Variants in SFMBT2 observed in about 807,000 individuals in gnomAD.
SFMBT2 encodes the protein scm-like with four MBT domains protein 2.
A neutral mutation model predicts 110.1 loss-of-function variants in SFMBT2; 38 were observed. The ratio of observed to expected loss-of-function variants is 0.35; its 90% CI spans 0.27 to 0.45. SFMBT2 has a LOEUF of 0.45. Among genes scored for constraint, SFMBT2 ranks in the 20% least tolerant of loss-of-function variants. SFMBT2 has a pLI of 1.00. For missense variants in SFMBT2, 1,011 were observed against 1,094.9 expected, an observed-to-expected ratio of 0.92 and a Z score of 1.08; for synonymous variants, 425 against 425.4, an observed-to-expected ratio of 1.00 and a Z score of 0.01.
chr10:7,324,756 C>T (rs547386547), intron 4 of SFMBT2, among the ~76,000 whole-genome samples: 12 of 152,310 alleles, frequency 7.9e-5, no homozygotes, highest in Middle Eastern at 3.4e-3. Flanking sequence ...CAGTTTCACT[C>T]GGAGGCCTCT....
At chr10:7,398,483 C>T (rs1845985916) in intron 1 of SFMBT2, among the ~76,000 whole-genome samples, 1 of 152,238 alleles carries the variant, frequency 6.6e-6, no homozygotes, top group Non-Finnish European at 1.5e-5. Flanking sequence ...TACAACACAA[C>T]AGGTCTTTGC....
chr10:7,309,490 G>A (rs1195812536), intron 4 of SFMBT2, among the ~76,000 whole-genome samples: 1 of 152,208 alleles, frequency 6.6e-6, no homozygotes, highest in East Asian at 1.9e-4. Context: ...GACGAGGCCT[G>A]ACAAAGATGG....
chr10:7,188,826 G>T, intron 15 of SFMBT2, 93 bp from the exon 16 acceptor site: 2 of 1,025,340 alleles, frequency 2.0e-6, no homozygotes, highest in Non-Finnish European at 2.9e-6. Context: ...TGACATTTAG[G>T]AACAGCTCGC....
Position 7,346,385 on chromosome 10 carries a change from G to A in SFMBT2, c.436+21264C>T, listed in dbSNP as rs116280238. ...AGATTGAAACAGAGGACATGAAACA[G>A]AGGATGTGAGCAAGACACGGGTAAT... is the stretch of plus-strand genomic sequence containing the variant. On this transcript the variant is annotated intron_variant, in intron 4 of 20. Coordinates refer to ENST00000397167, the MANE Select transcript of SFMBT2 (RefSeq NM_001387889.1). 5.0e-3 allele frequency among the ~76,000 whole-genome samples: 766 copies of A among 152,274 alleles called. 4 individuals carry two copies. Among genetic ancestry groups the A allele is most frequent in the African/African-American group, 0.018 (732 of 41,546 alleles).
intron 17 of SFMBT2, among the ~76,000 whole-genome samples, chr10:7,174,024 C>T (rs1471304076): frequency 6.6e-6 from 1 of 152,222 alleles, no homozygotes; most frequent in Non-Finnish European, 1.5e-5. Flanking sequence ...CACCTCCTCC[C>T]CTGCGTTTGA....
At chr10:7,291,516 C>T (rs1205938751) in intron 4 of SFMBT2, among the ~76,000 whole-genome samples, 2 of 152,098 alleles carry the variant, frequency 1.3e-5, no homozygotes. Flanking sequence ...TCCCCTATTC[C>T]CCGGGTCCTC....
At chr10:7,178,676 A>G (rs1838148603) in intron 16 of SFMBT2, among the ~76,000 whole-genome samples, 1 of 152,228 alleles carries the variant, frequency 6.6e-6, no homozygotes, top group African/African-American at 2.4e-5. Context: ...CTGCCCCAAG[A>G]AAAACCGCAG....
intron 16 of SFMBT2, among the ~76,000 whole-genome samples, chr10:7,185,251 C>T (rs1838362278): frequency 6.6e-6 from 1 of 152,178 alleles, no homozygotes; most frequent in South Asian, 2.1e-4. Context: ...CATGGCTTTG[C>T]TTAACGCGAA....
In SFMBT2 at chr10:7,293,055, T is replaced by C. The variant is rs1180813056; in HGVS notation, c.437-7101A>G. 6.6e-6 allele frequency among the ~76,000 whole-genome samples: 1 copy of C among 152,100 alleles called. No homozygotes were observed. The highest frequency in any genetic ancestry group is 2.1e-4 in the South Asian group (1 of 4,826). ...GTTGGAAGCAAATGACACAGCCCTA[T>C]CACAGTGATGACATTAGGGTGAAAG... On this transcript the variant is annotated intron_variant, in intron 4 of 20. Transcript: ENST00000397167. This position sits in a 1 kb window ranked among gnomAD's most constrained non-coding sequence, Gnocchi z 4.6.
At chr10:7,199,055 T>C (rs141907982) in intron 14 of SFMBT2, among the ~76,000 whole-genome samples, 4 of 152,318 alleles carry the variant, frequency 2.6e-5, no homozygotes, top group African/African-American at 9.6e-5. Flanking sequence ...CTCAGCTCAC[T>C]GCAACCTCCA....
At chr10:7,323,384 G>A (rs1191856937) in intron 4 of SFMBT2, among the ~76,000 whole-genome samples, 1 of 146,960 alleles carries the variant, frequency 6.8e-6, no homozygotes, top group Non-Finnish European at 1.5e-5. Context: ...CCAGGAGGCG[G>A]AGGTTGCAGT....
intron 9 of SFMBT2, chr10:7,228,203 G>A (rs1034920164): frequency 4.9e-6 from 1 of 204,912 alleles, no homozygotes; most frequent in South Asian, 1.7e-4. Flanking sequence ...CCGGTGGGGG[G>A]ATTTGCCATA....
chr10:7,315,895 C>T (rs1488859844), intron 4 of SFMBT2, among the ~76,000 whole-genome samples: 1 of 152,208 alleles, frequency 6.6e-6, no homozygotes, highest in African/African-American at 2.4e-5. Flanking sequence ...GAGACATAGT[C>T]AGCCCTCTTA....
rs377287382 is a variant in SFMBT2 at position 7,309,195 on chromosome 10, G to A, written c.437-23241C>T. On this transcript the variant is annotated intron_variant, in intron 4 of 20. Coordinates refer to ENST00000397167, the MANE Select transcript of SFMBT2 (RefSeq NM_001387889.1). ...GTTGAAGAACTGCATAGAACAAAGG[G>A]CTAACCTTATTCCTGCAAGGAAGGG... is the stretch of plus-strand genomic sequence containing the variant. Among the ~76,000 whole-genome samples the A allele has an allele frequency of 2.2e-4, 34 of 152,324 alleles. No homozygotes were observed. In the South Asian group the frequency reaches 6.6e-3, roughly 30 times the overall value.
At chr10:7,311,710 A>G (rs1416940402) in intron 4 of SFMBT2, among the ~76,000 whole-genome samples, 5 of 152,220 alleles carry the variant, frequency 3.3e-5, no homozygotes, top group Admixed American at 3.3e-4. Flanking sequence ...AGATATATAA[A>G]TTACAATCAG....
intron 10 of SFMBT2, among the ~76,000 whole-genome samples, chr10:7,226,768 C>G (rs754509717): frequency 2.0e-5 from 3 of 152,166 alleles, no homozygotes; most frequent in South Asian, 2.1e-4. Context: ...TGATGAAATG[C>G]GTATACAATG....
At chr10:7,189,202 C>T (rs763170183) in intron 15 of SFMBT2, 1 of 985,168 alleles carries the variant, frequency 1.0e-6, no homozygotes, top group Non-Finnish European at 1.2e-6. Flanking sequence ...AGGAGGGTAA[C>T]AAATTGTGTG....
At chr10:7,359,729 G>A (rs750516126) in intron 4 of SFMBT2, among the ~76,000 whole-genome samples, 5 of 152,012 alleles carry the variant, frequency 3.3e-5, no homozygotes, top group African/African-American at 4.8e-5. Flanking sequence ...CTTATTTGCC[G>A]CCAAAAAAGA....
At chr10:7,247,774 A>G (rs1176704199) in intron 8 of SFMBT2, among the ~76,000 whole-genome samples, 2 of 152,248 alleles carry the variant, frequency 1.3e-5, no homozygotes, top group African/African-American at 4.8e-5. Flanking sequence ...TTCCCGCACC[A>G]TTTGTAAGAG....
Sources: allele counts gnomAD v4.1 joint callset (sites outside exome capture counted in the v4.1 genomes callset), GRCh38; gene constraint gnomAD v4.1.1; non-coding constraint Gnocchi (gnomAD v3.1); transcripts MANE v1.5; gene names NCBI Gene and HGNC (gene_info 2026-07-23, HGNC 2026-07-21).